Variants in HIVEP3 observed in about 807,000 individuals in gnomAD.
HIVEP3 encodes the protein HIVEP zinc finger 3, also known as transcription factor HIVEP3.
In HIVEP3, 49 loss-of-function variants were observed where a neutral mutation model predicts 152.8. The observed-to-expected ratio is 0.32, with a 90% CI of 0.26 to 0.41. The LOEUF (loss-of-function observed/expected upper bound fraction) is 0.41. Among genes scored for constraint, HIVEP3 ranks in the 10% least tolerant of loss-of-function variants. The probability of loss-of-function intolerance (pLI) is 1.00; values close to 1 mark genes in which losing one functional copy is unlikely to be tolerated. For missense variants in HIVEP3, 2,790 were observed against 3,103.3 expected (o/e 0.90, Z 2.40); for synonymous variants, 1,269 against 1,289.0 (o/e 0.98, Z 0.33).
chr1:41,690,156 G>C (rs1208724946), intron 2 of HIVEP3, among the ~76,000 whole-genome samples: 1 of 152,268 alleles, frequency 6.6e-6, no homozygotes. Flanking sequence ...TGGCAGGGGA[G>C]TGTGGACAGG....
chr1:41,640,144 G>A (rs1013449711), intron 2 of HIVEP3, among the ~76,000 whole-genome samples: 1 of 152,106 alleles, frequency 6.6e-6, no homozygotes, highest in African/African-American at 2.4e-5. Context: ...AAGGAAGGGA[G>A]GTGTTGCTGG....
At chr1:41,690,126 T>C (rs146480006) in intron 2 of HIVEP3, among the ~76,000 whole-genome samples, 2 of 152,178 alleles carry the variant, frequency 1.3e-5, no homozygotes, top group African/African-American at 4.8e-5. Flanking sequence ...TGGGAAAAAA[T>C]GGTTTCTGAC....
At chr1:41,824,210 G>A (rs1642690558) in intron 1 of HIVEP3, among the ~76,000 whole-genome samples, 1 of 151,916 alleles carries the variant, frequency 6.6e-6, no homozygotes, top group South Asian at 2.1e-4. Context: ...ATCCCCCCAG[G>A]CCTTCTCATT....
chr1:41,858,620 G>A (rs1291437127), intron 1 of HIVEP3, among the ~76,000 whole-genome samples: 1 of 152,184 alleles, frequency 6.6e-6, no homozygotes, highest in Admixed American at 6.5e-5. Context: ...GCTAGGTGCT[G>A]GGGATAGTGG....
At chr1:41,937,502 T>A (rs1376426145) in intron 1 of HIVEP3, among the ~76,000 whole-genome samples, 1 of 152,190 alleles carries the variant, frequency 6.6e-6, no homozygotes, top group Non-Finnish European at 1.5e-5. Flanking sequence ...CATATGTAGC[T>A]ATTGAACACT....
intron 2 of HIVEP3, among the ~76,000 whole-genome samples, chr1:41,637,669 C>T (rs996706639): frequency 3.9e-5 from 6 of 152,344 alleles, no homozygotes; most frequent in African/African-American, 7.2e-5. Context: ...TGGAAAGGAC[C>T]TGGGGGATGC....
chr1:41,927,882 A>G (rs1644975912), intron 1 of HIVEP3, among the ~76,000 whole-genome samples: 1 of 152,100 alleles, frequency 6.6e-6, no homozygotes, highest in South Asian at 2.1e-4. Context: ...CAACATGGTG[A>G]AACCCCGTCT....
At position 41,710,101 on chromosome 1, in the gene HIVEP3, G is replaced by A. The variant is rs116660777; in HGVS notation, c.-800-9106C>T. 8.8e-3 allele frequency among the ~76,000 whole-genome samples: 1,333 copies of A among 152,242 alleles called. 9 individuals carry two copies. Among genetic ancestry groups the A allele is most frequent in the Non-Finnish European group, 0.015 (1,043 of 68,000 alleles). On this transcript the variant is annotated intron_variant, in intron 1 of 8. Transcript: ENST00000372583. ...CTACTCAAGTTCAAGGCAGAGTGTTGGTCCAGCACTCTGCCCTCCATCCCA... is the reference window on the plus strand; with the variant it reads ...CTACTCAAGTTCAAGGCAGAGTGTTAGTCCAGCACTCTGCCCTCCATCCCA...
chr1:41,966,195 C>T (rs947293082), intron 1 of HIVEP3, among the ~76,000 whole-genome samples: 3 of 152,042 alleles, frequency 2.0e-5, no homozygotes, highest in Non-Finnish European at 4.4e-5. Context: ...AATTTGTCAC[C>T]AGCAGGCCTG....
At chr1:41,809,303 T>A (rs1650812079) in intron 1 of HIVEP3, among the ~76,000 whole-genome samples, 1 of 152,200 alleles carries the variant, frequency 6.6e-6, no homozygotes, top group African/African-American at 2.4e-5. Flanking sequence ...TTTATATTGA[T>A]AAGAGAGACT....
At chr1:41,544,523 A>G (rs1203928443) in intron 5 of HIVEP3, among the ~76,000 whole-genome samples, 1 of 151,278 alleles carries the variant, frequency 6.6e-6, no homozygotes, top group Non-Finnish European at 1.5e-5. Context: ...AGGGAGGGGG[A>G]TGTCTCTCCA....
chr1:41,951,687 A>G lies in HIVEP3; in HGVS notation n.120-33163T>C, dbSNP rs965933087. On this transcript the variant is annotated intron_variant and non_coding_transcript_variant, in intron 1 of 3. Coordinates refer to the HIVEP3 transcript ENST00000489103. Reference sequence around the variant, plus strand: ...CTCAGGAAACGTACAATCATGGTGGAAGGCACCTCTTCACAGAGCAGCAGG... The same window carrying G: ...CTCAGGAAACGTACAATCATGGTGGGAGGCACCTCTTCACAGAGCAGCAGG... Among the ~76,000 whole-genome samples, 15 of 152,158 alleles carry G rather than the reference A, an allele frequency of 9.9e-5. 1 individual carries two copies. The highest frequency in any genetic ancestry group is 4.1e-4 in the South Asian group (2 of 4,828).
chr1:41,933,559 A>G (rs1308831582), intron 1 of HIVEP3, among the ~76,000 whole-genome samples: 1 of 152,100 alleles, frequency 6.6e-6, no homozygotes, highest in Non-Finnish European at 1.5e-5. Flanking sequence ...TGTCTTTATA[A>G]CTAAAGTGGG....
At chr1:41,944,769 A>G (rs1420803906) in intron 1 of HIVEP3, among the ~76,000 whole-genome samples, 1 of 152,198 alleles carries the variant, frequency 6.6e-6, no homozygotes, top group East Asian at 1.9e-4. Context: ...CATTAGGACC[A>G]TAGAGGACGC....
intron 5 of HIVEP3, among the ~76,000 whole-genome samples, chr1:41,574,871 A>G (rs186699982): frequency 6.6e-6 from 1 of 152,290 alleles, no homozygotes; most frequent in African/African-American, 2.4e-5. Context: ...AACTTCCACA[A>G]AGCACGTCTG....
chr1:41,921,809 T>A (rs546764411), upstream of HIVEP3, among the ~76,000 whole-genome samples: 9 of 152,266 alleles, frequency 5.9e-5, no homozygotes, highest in African/African-American at 2.2e-4. Flanking sequence ...ACAGCTTCTT[T>A]GGAAAGTGAG....
chr1:41,635,489 T>TATATATAC lies in HIVEP3; in HGVS notation c.-720-6543_-720-6542insGTATATAT, dbSNP rs151222285. On this transcript the variant is annotated intron_variant, in intron 2 of 8. Coordinates refer to ENST00000372583, the MANE Select transcript of HIVEP3 (RefSeq NM_024503.5). ...CAGCAACCACAACTATATATATATATACACACACATATATACATATATAGC... is the reference window on the plus strand; with the variant it reads ...CAGCAACCACAACTATATATATATATATATATACACACACACATATATACATATATAGC... Among the ~76,000 whole-genome samples the TATATATAC allele has an allele frequency of 1.1e-3, 160 of 147,422 alleles. 3 individuals are homozygous for TATATATAC. The highest frequency in any genetic ancestry group is 2.8e-3 in the African/African-American group (110 of 39,720).
intron 3 of HIVEP3, among the ~76,000 whole-genome samples, chr1:41,615,395 A>T (rs1490940773): frequency 6.6e-6 from 1 of 152,168 alleles, no homozygotes; most frequent in Non-Finnish European, 1.5e-5. Flanking sequence ...GAGAACCCTC[A>T]GCCTGGCTTC....
At chr1:41,563,537 A>G (rs951743615) in intron 5 of HIVEP3, among the ~76,000 whole-genome samples, 4 of 152,044 alleles carry the variant, frequency 2.6e-5, no homozygotes, top group African/African-American at 9.7e-5. Context: ...ATTCTGCTCA[A>G]GAAGAAAGGC....
Sources: allele counts gnomAD v4.1 joint callset (sites outside exome capture counted in the v4.1 genomes callset), GRCh38; gene constraint gnomAD v4.1.1; transcripts MANE v1.5; gene names NCBI Gene and HGNC (gene_info 2026-07-23, HGNC 2026-07-21).